NREP: variants seen among roughly 807,000 people sequenced by gnomAD.
NREP encodes the protein neuronal regeneration related protein, also known as neuronal regeneration-related protein.
In NREP, 5 loss-of-function variants were observed where a neutral mutation model predicts 8.6. That is an observed-to-expected ratio of 0.58 (90% CI 0.30 to 1.22). The LOEUF is 1.22. NREP is among the 50% of genes most tolerant of loss of function. The pLI is 0.07. For missense variants in NREP, 86 were observed against 82.5 expected, an observed-to-expected ratio of 1.04 and a Z score of -0.17; for synonymous variants, 27 against 28.0, an observed-to-expected ratio of 0.96 and a Z score of 0.11.
chr5:111,937,559 T>A (rs756695383), intron 2 of NREP, among the ~76,000 whole-genome samples: 3 of 152,074 alleles, frequency 2.0e-5, no homozygotes, highest in Non-Finnish European at 4.4e-5. Context: ...TCCTCCCTTC[T>A]GATAGTGCAA....
chr5:111,789,036 C>T (rs1168413340), intron 2 of NREP, among the ~76,000 whole-genome samples: 3 of 152,216 alleles, frequency 2.0e-5, no homozygotes, highest in Admixed American at 2.0e-4. Flanking sequence ...AAGTGGGACA[C>T]TGGCTGGGCA....
chr5:111,795,429 G>A (rs751923741), intron 2 of NREP, among the ~76,000 whole-genome samples: 11 of 152,170 alleles, frequency 7.2e-5, no homozygotes, highest in Non-Finnish European at 1.6e-4. Flanking sequence ...CAATCAATCT[G>A]AATTATTCTG....
chr5:111,841,597 T>C (rs1312038164), intron 2 of NREP, among the ~76,000 whole-genome samples: 3 of 152,082 alleles, frequency 2.0e-5, no homozygotes, highest in Non-Finnish European at 2.9e-5. Context: ...GACTTAATTT[T>C]TTTAAAAAGC....
chr5:111,794,984 T>A (rs1461717316), intron 2 of NREP, among the ~76,000 whole-genome samples: 12 of 140,198 alleles, frequency 8.6e-5, no homozygotes, highest in Non-Finnish European at 1.4e-4. Flanking sequence ...GCTGTGAATT[T>A]AAAGCTGCTC....
At chr5:111,823,046 G>A (rs974881007) in intron 2 of NREP, among the ~76,000 whole-genome samples, 3 of 152,258 alleles carry the variant, frequency 2.0e-5, no homozygotes, top group Non-Finnish European at 2.9e-5. Context: ...TTGGGCATCT[G>A]CATCTGGCAA....
intron 2 of NREP, among the ~76,000 whole-genome samples, chr5:111,876,611 A>G (rs1024248532): frequency 7.2e-5 from 11 of 152,214 alleles, no homozygotes; most frequent in African/African-American, 2.7e-4. Context: ...AGAAAATGCA[A>G]TCTGCCAATG....
At chr5:111,973,553 C>G (rs1469879157) in intron 2 of NREP, among the ~76,000 whole-genome samples, 1 of 152,180 alleles carries the variant, frequency 6.6e-6, no homozygotes, top group Non-Finnish European at 1.5e-5. Context: ...CCTTCACCAG[C>G]CTGCCAAGCC....
At chr5:111,952,782 AGTTAT>A (rs1289510802) in intron 2 of NREP, among the ~76,000 whole-genome samples, 1 of 152,132 alleles carries the variant, frequency 6.6e-6, no homozygotes, top group East Asian at 1.9e-4. Context: ...ATTGTCCTGT[AGTTAT>A]GCAAGATGTT....
chr5:111,920,431 G>C (rs1755205417), intron 2 of NREP, among the ~76,000 whole-genome samples: 1 of 152,084 alleles, frequency 6.6e-6, no homozygotes, highest in Admixed American at 6.6e-5. Flanking sequence ...GCATGCATTA[G>C]CTATTTGTCT....
chr5:111,778,451 C>T (rs1386002458), intron 2 of NREP, among the ~76,000 whole-genome samples: 1 of 152,162 alleles, frequency 6.6e-6, no homozygotes, highest in African/African-American at 2.4e-5. Flanking sequence ...GTGGGGCCTA[C>T]TTCTTGTCCT....
intron 2 of NREP, among the ~76,000 whole-genome samples, chr5:111,736,353 G>C (rs757830465): frequency 1.3e-5 from 2 of 152,226 alleles, no homozygotes; most frequent in African/African-American, 2.4e-5. Flanking sequence ...ACAACCATCT[G>C]TCAGGGCTAA....
chr5:111,835,522 T>C (rs1410106025), intron 2 of NREP, among the ~76,000 whole-genome samples: 3 of 151,940 alleles, frequency 2.0e-5, no homozygotes, highest in Non-Finnish European at 4.4e-5. Context: ...ATCCTTGAGC[T>C]AAGATTTAGG....
rs202020997 is a variant in NREP at position 111,898,122 on chromosome 5, AG to A, written c.135+77151del. ...ACTTTGGCTTTTACCAGATGGAAATAGAGCCACTGGAGAGTTTTGAGCAGAG... is the reference window on the plus strand; with the variant it reads ...ACTTTGGCTTTTACCAGATGGAAATAAGCCACTGGAGAGTTTTGAGCAGAG... On this transcript the variant is annotated intron_variant, in intron 2 of 3. Transcript: ENST00000395634. 8.4e-4 allele frequency among the ~76,000 whole-genome samples: 128 copies of A among 152,308 alleles called. 1 individual carries two copies. The East Asian group carries it at 0.021, about 25-fold the overall frequency.
chr5:111,955,244 T>C (rs1417623902), intron 2 of NREP, among the ~76,000 whole-genome samples: 1 of 152,138 alleles, frequency 6.6e-6, no homozygotes, highest in East Asian at 1.9e-4. Flanking sequence ...CCTGGGATTA[T>C]CACAGTATGT....
chr5:111,865,561 T>G (rs1458411883), intron 2 of NREP, among the ~76,000 whole-genome samples: 2 of 152,156 alleles, frequency 1.3e-5, no homozygotes, highest in Non-Finnish European at 2.9e-5. Flanking sequence ...ATAGGCCACA[T>G]GACATTATGA....
At chr5:111,934,684 G>T (rs1309207326) in intron 2 of NREP, among the ~76,000 whole-genome samples, 5 of 152,088 alleles carry the variant, frequency 3.3e-5, no homozygotes, top group Admixed American at 3.3e-4. Flanking sequence ...TACATTACTT[G>T]CTGTCTTAAG....
In NREP at chr5:111,901,768, T is replaced by C. The variant is rs189012766; in HGVS notation, c.135+73506A>G. On this transcript the variant is annotated intron_variant, in intron 2 of 3. Transcript: ENST00000395634. ...AGCCAAGAAAGTGAAAACCTCAAAA[T>C]TGAAATTATAAAATACTGATGAAAG... Among the ~76,000 whole-genome samples, 380 of 152,074 alleles carry C rather than the reference T, an allele frequency of 2.5e-3. 3 individuals are homozygous for C. Among genetic ancestry groups the C allele is most frequent in the African/African-American group, 8.7e-3 (360 of 41,514 alleles).
chr5:111,909,708 A>G (rs1754863410), intron 2 of NREP, among the ~76,000 whole-genome samples: 1 of 152,100 alleles, frequency 6.6e-6, no homozygotes, highest in Admixed American at 6.6e-5. Flanking sequence ...CTTGGACATG[A>G]AATTTATTCC....
Position 111,774,808 on chromosome 5 carries a change from T to C in NREP, c.136-39301A>G, listed in dbSNP as rs180703291. Among the ~76,000 whole-genome samples the C allele has an allele frequency of 3.1e-3, 472 of 152,338 alleles. 2 individuals are homozygous for C. Among genetic ancestry groups the C allele is most frequent in the Middle Eastern group, 6.8e-3 (2 of 294 alleles). On this transcript the variant is annotated intron_variant, in intron 2 of 3. Coordinates refer to the NREP transcript ENST00000395634. Reference sequence around the variant, plus strand: ...TGCTGACATTCTGATTTCTACCTTGTAAGGCTCTAAACAGAGGACCAGTAT... The same window carrying C: ...TGCTGACATTCTGATTTCTACCTTGCAAGGCTCTAAACAGAGGACCAGTAT...
Sources: allele counts gnomAD v4.1 joint callset (sites outside exome capture counted in the v4.1 genomes callset), GRCh38; gene constraint gnomAD v4.1.1; transcripts MANE v1.5; gene names NCBI Gene and HGNC (gene_info 2026-07-23, HGNC 2026-07-21).